Variants in AUTS2 observed in about 807,000 individuals in gnomAD.
The protein encoded by AUTS2 is activator of transcription and developmental regulator AUTS2.
In AUTS2, 17 loss-of-function variants were observed where a neutral mutation model predicts 112.4. The ratio of observed to expected loss-of-function variants is 0.15; its 90% confidence interval spans 0.10 to 0.23. The LOEUF (loss-of-function observed/expected upper bound fraction) is 0.23, where lower values mean the gene tolerates loss of function less well. Among genes scored for constraint, AUTS2 ranks in the 10% least tolerant of loss-of-function variants. AUTS2 has a pLI of 1.00. For synonymous variants in AUTS2, 751 were observed against 702.7 expected (o/e 1.07, Z -1.09); for missense variants, 1,510 against 1,701.6 (o/e 0.89, Z 1.98).
rs528002897 is a variant in AUTS2, at chr7:70,297,049, T to C, written c.661-138703T>C. Among the ~76,000 whole-genome samples the C allele has an allele frequency of 4.0e-5, 6 of 148,754 alleles. No homozygotes were observed. In the East Asian group the frequency reaches 1.2e-3, roughly 30 times the overall value. ...TCAATTTATAGAGACAAGGTCTCAC[T>C]ATGTTGCCCAGGCTGGTTTCGAACT... On this transcript the variant is annotated intron_variant, in intron 4 of 18. Coordinates refer to ENST00000342771, the MANE Select transcript of AUTS2 (RefSeq NM_015570.4).
intron 1 of AUTS2, among the ~76,000 whole-genome samples, chr7:69,760,256 A>C (rs1212250577): frequency 1.3e-5 from 2 of 149,822 alleles, no homozygotes; most frequent in Non-Finnish European, 3.0e-5. Flanking sequence ...GCCGATCTCA[A>C]ACTCCTGGCC....
rs187796330 is a variant in AUTS2 at position 70,339,085 on chromosome 7, G to A, written c.661-96667G>A. 3.2e-3 allele frequency among the ~76,000 whole-genome samples: 485 copies of A among 151,792 alleles called. 2 individuals are homozygous for A. The highest frequency in any genetic ancestry group is 0.011 in the African/African-American group (442 of 41,380). The stretch of plus-strand genomic sequence containing the variant: ...TCACCATGTTGGCCAGGATGGTTTC[G>A]ATCTCCTGACCTCGTGATCCGCCCG... On this transcript the variant is annotated intron_variant, in intron 4 of 18. Transcript: ENST00000342771.
intron 2 of AUTS2, among the ~76,000 whole-genome samples, chr7:69,911,897 G>A (rs991021055): frequency 2.0e-5 from 3 of 152,130 alleles, no homozygotes; most frequent in Admixed American, 6.5e-5. Flanking sequence ...GTTGTCCCTG[G>A]CTTGAAGGTG....
chr7:70,662,180 C>T (rs1373522937), intron 5 of AUTS2, among the ~76,000 whole-genome samples: 1 of 152,258 alleles, frequency 6.6e-6, no homozygotes, highest in Non-Finnish European at 1.5e-5. Context: ...ATTATTCTCC[C>T]AGCCCACTGC....
chr7:70,308,915 C>A lies in AUTS2; in HGVS notation c.661-126837C>A, dbSNP rs77679186. Among the ~76,000 whole-genome samples, 1,332 of 152,250 alleles carry A rather than the reference C, an allele frequency of 8.7e-3. 23 individuals are homozygous for A. Among genetic ancestry groups the A allele is most frequent in the African/African-American group, 0.031 (1,270 of 41,544 alleles). On this transcript the variant is annotated intron_variant, in intron 4 of 18. Transcript: ENST00000342771. ...CTTACCAGAGTGAAATGGGGCATCG[C>A]CTTTCGGGTCTATAGGGGTGCACTG...
chr7:70,369,427 G>A (rs1792736958), intron 4 of AUTS2, among the ~76,000 whole-genome samples: 1 of 152,118 alleles, frequency 6.6e-6, no homozygotes, highest in African/African-American at 2.4e-5. Flanking sequence ...TAATTTTTGG[G>A]GAAGAGTTTC....
intron 1 of AUTS2, among the ~76,000 whole-genome samples, chr7:69,835,495 A>T (rs1387387366): frequency 1.3e-5 from 2 of 152,158 alleles, no homozygotes; most frequent in Non-Finnish European, 2.9e-5. Context: ...TAGGTGAGGG[A>T]AAATACGGAG....
chr7:70,750,682 G>A (rs375215173), intron 6 of AUTS2, among the ~76,000 whole-genome samples: 51 of 152,344 alleles, frequency 3.3e-4, no homozygotes, highest in African/African-American at 1.1e-3. Context: ...GATTACAGGC[G>A]TGAGCCACCA....
intron 1 of AUTS2, among the ~76,000 whole-genome samples, chr7:69,799,808 T>C (rs957396413): frequency 2.6e-5 from 4 of 152,210 alleles, no homozygotes; most frequent in Non-Finnish European, 5.9e-5. Context: ...GTGCTGTTCC[T>C]TGAGGGGCTG....
At chr7:70,400,621 G>A (rs1439179470) in intron 4 of AUTS2, among the ~76,000 whole-genome samples, 2 of 152,144 alleles carry the variant, frequency 1.3e-5, no homozygotes, top group East Asian at 1.9e-4. Flanking sequence ...ATGCCAAGCC[G>A]TGAAGATTGG....
intron 5 of AUTS2, among the ~76,000 whole-genome samples, chr7:70,476,427 A>G (rs1797585807): frequency 6.6e-6 from 1 of 152,338 alleles, no homozygotes; most frequent in South Asian, 2.1e-4. Flanking sequence ...GTTCACTGCT[A>G]TTAAACAAGA....
chr7:70,513,595 A>G (rs1799292387), intron 5 of AUTS2, among the ~76,000 whole-genome samples: 1 of 151,974 alleles, frequency 6.6e-6, no homozygotes. Flanking sequence ...AGGAAATTGT[A>G]TTAGTCCAGA....
At chr7:69,661,166 G>A (rs902221316) in intron 1 of AUTS2, among the ~76,000 whole-genome samples, 1 of 152,150 alleles carries the variant, frequency 6.6e-6, no homozygotes, top group Admixed American at 6.5e-5. Flanking sequence ...GAGGACTAGA[G>A]AGGAGTAAAG....
At chr7:70,059,180 C>T (rs1054971904) in intron 2 of AUTS2, among the ~76,000 whole-genome samples, 7 of 152,226 alleles carry the variant, frequency 4.6e-5, no homozygotes, top group African/African-American at 1.7e-4. Context: ...ATTCATCCCC[C>T]TACCAAAACC....
chr7:69,705,984 C>A (rs62457221), intron 1 of AUTS2, among the ~76,000 whole-genome samples: 9 of 152,188 alleles, frequency 5.9e-5, no homozygotes, highest in Non-Finnish European at 1.2e-4. Context: ...TCTTTAAAGA[C>A]CTTCTCTCCA....
chr7:70,313,003 A>T (rs1369634197), intron 4 of AUTS2, among the ~76,000 whole-genome samples: 1 of 152,234 alleles, frequency 6.6e-6, no homozygotes, highest in Non-Finnish European at 1.5e-5. Flanking sequence ...AAGAACGTCT[A>T]AACTGCTATC....
At chr7:70,021,272 A>G (rs998084558) in intron 2 of AUTS2, among the ~76,000 whole-genome samples, 2 of 152,212 alleles carry the variant, frequency 1.3e-5, no homozygotes, top group Non-Finnish European at 2.9e-5. Context: ...GTGAGCCACC[A>G]TGCCTGGTCA....
At chr7:70,282,671 C>T (rs1350357472) in intron 4 of AUTS2, among the ~76,000 whole-genome samples, 1 of 152,172 alleles carries the variant, frequency 6.6e-6, no homozygotes, top group Non-Finnish European at 1.5e-5. Context: ...CATAAACATT[C>T]AGACCACAGT....
rs868177656 is a variant in AUTS2 at position 70,210,155 on chromosome 7, A to G, written c.660+75584A>G. ...CAGGGTACTTGCATAGCTTTTGTCA[A>G]GAATAACCCTTCTCACTTCCCCACC... On this transcript the variant is annotated intron_variant, in intron 4 of 18. Transcript: ENST00000342771. Among the ~76,000 whole-genome samples the G allele has an allele frequency of 2.6e-5, 4 of 152,302 alleles. 1 individual carries two copies. Among genetic ancestry groups the G allele is most frequent in the Non-Finnish European group, 1.5e-5 (1 of 68,026 alleles).
Sources: allele counts gnomAD v4.1 joint callset (sites outside exome capture counted in the v4.1 genomes callset), GRCh38; gene constraint gnomAD v4.1.1; transcripts MANE v1.5; gene names NCBI Gene and HGNC (gene_info 2026-07-23, HGNC 2026-07-21).